Variants in CDH13 observed in about 807,000 individuals in gnomAD.
CDH13 encodes cadherin 13.
In CDH13, 24 loss-of-function variants were observed where a neutral mutation model predicts 63.8. The ratio of observed to expected loss-of-function variants is 0.38; its 90% CI spans 0.27 to 0.53. CDH13 has a LOEUF of 0.53. Among genes scored for constraint, CDH13 ranks in the 20% least tolerant of loss-of-function variants. The pLI is 0.85. For missense variants in CDH13, 1,049 were observed against 903.1 expected (o/e 1.16, Z -2.07); for synonymous variants, 503 against 355.3 (o/e 1.42, Z -4.67).
At chr16:83,449,443 C>G (rs920470690) in intron 6 of CDH13, among the ~76,000 whole-genome samples, 5 of 152,212 alleles carry the variant, frequency 3.3e-5, no homozygotes, top group African/African-American at 1.2e-4. Flanking sequence ...GCCCCAGATC[C>G]TGTTCTAATG....
intron 7 of CDH13, among the ~76,000 whole-genome samples, chr16:83,514,963 T>C (rs1487396876): frequency 1.3e-5 from 2 of 152,160 alleles, no homozygotes; most frequent in African/African-American, 4.8e-5. Flanking sequence ...GAGATGCCCC[T>C]GTTTCTTGAT....
intron 3 of CDH13, among the ~76,000 whole-genome samples, chr16:83,067,651 T>C (rs912519725): frequency 1.3e-5 from 2 of 152,252 alleles, no homozygotes; most frequent in Non-Finnish European, 2.9e-5. Context: ...TTTAGTGCAA[T>C]TGATTTATTA....
At chr16:83,657,753 G>A (rs1015978226) in intron 8 of CDH13, among the ~76,000 whole-genome samples, 19 of 152,196 alleles carry the variant, frequency 1.2e-4, no homozygotes, top group Admixed American at 5.9e-4. Flanking sequence ...TGAACTCCTT[G>A]CCATAGAACA....
chr16:82,717,256 G>A (rs1368361816), intron 1 of CDH13, among the ~76,000 whole-genome samples: 1 of 151,954 alleles, frequency 6.6e-6, no homozygotes, highest in African/African-American at 2.4e-5. Context: ...AGGGTATGGT[G>A]AAATCCCATC....
chr16:83,598,733 TAAC>T (rs1206329056), intron 7 of CDH13, among the ~76,000 whole-genome samples: 2 of 152,074 alleles, frequency 1.3e-5, no homozygotes, highest in Admixed American at 6.5e-5. Context: ...GAATGATGAT[TAAC>T]AACAACAACA....
intron 10 of CDH13, among the ~76,000 whole-genome samples, chr16:83,732,181 A>G (rs1039336679): frequency 4.6e-5 from 7 of 152,228 alleles, no homozygotes; most frequent in Non-Finnish European, 1.0e-4. Context: ...TGATCACACA[A>G]CCGGTGTGAT....
chr16:83,285,271 C>A (rs1178030473), intron 5 of CDH13, among the ~76,000 whole-genome samples: 1 of 152,058 alleles, frequency 6.6e-6, no homozygotes, highest in Non-Finnish European at 1.5e-5. Flanking sequence ...CTCATGGTTT[C>A]CTGAAGAGAC....
intron 8 of CDH13, among the ~76,000 whole-genome samples, chr16:83,636,020 C>G (rs1033464613): frequency 6.6e-6 from 1 of 151,910 alleles, no homozygotes; most frequent in East Asian, 1.9e-4. Context: ...ATTTATCTGC[C>G]AGTGGACACA....
chr16:83,065,544 A>T (rs2031935399), intron 3 of CDH13, among the ~76,000 whole-genome samples: 1 of 152,082 alleles, frequency 6.6e-6, no homozygotes, highest in Non-Finnish European at 1.5e-5. Flanking sequence ...GTCTCTACTA[A>T]AAATATGAAA....
At chr16:83,236,802 G>C (rs1316945629) in intron 5 of CDH13, among the ~76,000 whole-genome samples, 1 of 152,152 alleles carries the variant, frequency 6.6e-6, no homozygotes. Flanking sequence ...ACACAAGTTA[G>C]ATGAGTGGCA....
At chr16:83,689,755 C>T (rs1354988216) in intron 10 of CDH13, among the ~76,000 whole-genome samples, 1 of 152,084 alleles carries the variant, frequency 6.6e-6, no homozygotes, top group Non-Finnish European at 1.5e-5. Context: ...GTAGGCTGCA[C>T]ATGTGAAAGG....
chr16:83,588,871 C>T (rs1906435678), intron 7 of CDH13, among the ~76,000 whole-genome samples: 1 of 152,188 alleles, frequency 6.6e-6, no homozygotes, highest in Non-Finnish European at 1.5e-5. Context: ...CTGGTGAGGC[C>T]ACGCACCACG....
chr16:83,559,424 A>AGCT (rs1255442333), intron 7 of CDH13, among the ~76,000 whole-genome samples: 1 of 152,082 alleles, frequency 6.6e-6, no homozygotes, highest in Non-Finnish European at 1.5e-5. Flanking sequence ...ATATGAAATT[A>AGCT]GCTGGGCATG....
At chr16:83,186,289 C>T (rs920309741) in intron 4 of CDH13, among the ~76,000 whole-genome samples, 4 of 151,944 alleles carry the variant, frequency 2.6e-5, no homozygotes, top group African/African-American at 7.3e-5. Context: ...CGGGCACATA[C>T]CACCATGCCA....
At chr16:82,693,909 C>G (rs1037541578) in intron 1 of CDH13, among the ~76,000 whole-genome samples, 3 of 152,136 alleles carry the variant, frequency 2.0e-5, no homozygotes, top group African/African-American at 7.2e-5. Flanking sequence ...AACTTCTCAT[C>G]TGTGATTTAA....
At chr16:83,393,554 C>T (rs756303304) in intron 6 of CDH13, among the ~76,000 whole-genome samples, 5 of 152,184 alleles carry the variant, frequency 3.3e-5, no homozygotes, top group Non-Finnish European at 5.9e-5. Flanking sequence ...AGCCACCAAT[C>T]CCCAGCCCAC....
At chr16:83,318,906 G>A (rs571237073) in intron 5 of CDH13, among the ~76,000 whole-genome samples, 2 of 152,068 alleles carry the variant, frequency 1.3e-5, no homozygotes, top group Admixed American at 6.6e-5. Flanking sequence ...GGAAGACCTT[G>A]TCCCTACCTC....
intron 6 of CDH13, among the ~76,000 whole-genome samples, chr16:83,411,930 G>A (rs1220131918): frequency 6.6e-6 from 1 of 152,148 alleles, no homozygotes; most frequent in Non-Finnish European, 1.5e-5. Context: ...TGCATGATAA[G>A]CGCATAAGGA....
At chr16:83,511,686 A>G (rs1306950947) in intron 7 of CDH13, among the ~76,000 whole-genome samples, 2 of 152,206 alleles carry the variant, frequency 1.3e-5, no homozygotes, top group East Asian at 3.9e-4. Flanking sequence ...TAAGATAGTA[A>G]GAAGAAGAAA....
Sources: gnomAD v4.1 joint callset for allele counts (sites outside exome capture counted in the v4.1 genomes callset) on GRCh38, gnomAD v4.1.1 for gene constraint, MANE v1.5 for transcripts, NCBI Gene and HGNC (gene_info 2026-07-23, HGNC 2026-07-21) for gene names.